TRPC5: variants seen among roughly 807,000 people sequenced by gnomAD.
TRPC5 encodes short transient receptor potential channel 5.
In TRPC5, 9 loss-of-function variants were observed where a neutral mutation model predicts 56.5. The ratio of observed to expected loss-of-function variants is 0.16; its 90% CI spans 0.10 to 0.28. TRPC5 has a LOEUF of 0.28. Among genes scored for constraint, TRPC5 ranks in the 10% least tolerant of loss-of-function variants. The pLI, the probability that TRPC5 is intolerant of heterozygous loss-of-function variation, is 1.00. For missense variants in TRPC5, 469 were observed against 748.9 expected, an observed-to-expected ratio of 0.63 and a Z score of 4.36; for synonymous variants, 282 against 278.5, an observed-to-expected ratio of 1.01 and a Z score of -0.13.
At chrX:111,810,345 G>T (rs186296636) in intron 7 of TRPC5, among the ~76,000 whole-genome samples, 191 of 111,334 alleles carry the variant, frequency 1.7e-3, no homozygotes, top group African/African-American at 5.4e-3. Flanking sequence ...GCCTACCAGA[G>T]TAGTACTTCC....
intron 6 of TRPC5, among the ~76,000 whole-genome samples, chrX:111,844,834 A>G (rs1427711693): frequency 9.0e-6 from 1 of 111,146 alleles, no homozygotes; most frequent in East Asian, 2.8e-4. Context: ...AAAGGATAAC[A>G]ATAAGCAGGT....
chrX:111,935,305 T>C (rs1163287035), intron 2 of TRPC5, among the ~76,000 whole-genome samples: 2 of 112,241 alleles, frequency 1.8e-5, no homozygotes, highest in African/African-American at 6.5e-5. Flanking sequence ...GCCTATTTGA[T>C]AGGAAGACTA....
intron 1 of TRPC5, among the ~76,000 whole-genome samples, chrX:111,969,646 A>G (rs1927723991): frequency 9.0e-6 from 1 of 111,658 alleles, no homozygotes; most frequent in Admixed American, 9.6e-5. Flanking sequence ...ATATAGATAG[A>G]CAGATGTAGG....
At position 111,774,038 on chromosome X, in the gene TRPC5, CACA is replaced by C. The variant is rs1457763610; in HGVS notation, c.*2272_*2274del. ...AGCTAGTAAAGTCTTAAGCCCAAGT[CACA>C]ACGATAACCCTGAGAAGATCTGAAA... On this transcript the variant is annotated 3_prime_UTR_variant, in exon 11 of 11. Coordinates refer to ENST00000262839, the MANE Select transcript of TRPC5 (RefSeq NM_012471.3). Among the ~76,000 whole-genome samples the C allele has an allele frequency of 2.7e-5, 3 of 111,649 alleles. No homozygotes were observed. The highest frequency in any genetic ancestry group is 9.8e-5 in the African/African-American group (3 of 30,739).
intron 3 of TRPC5, among the ~76,000 whole-genome samples, chrX:111,875,753 C>T (rs1923918256): frequency 9.1e-6 from 1 of 109,493 alleles, no homozygotes; most frequent in Non-Finnish European, 1.9e-5. Context: ...GTCAGATATA[C>T]TTCTTTGTTC....
At chrX:111,921,528 A>T (rs5943222) in intron 2 of TRPC5, among the ~76,000 whole-genome samples, 1 of 110,043 alleles carries the variant, frequency 9.1e-6, no homozygotes, top group East Asian at 2.8e-4. Context: ...TTGATTATTT[A>T]TTATCAAATT....
rs748787765 is a variant in TRPC5 at position 111,776,946 on chromosome X, A to C, written c.2289T>G (p.Asn763Lys). 3.1e-5 allele frequency: 37 copies of C among 1,180,582 alleles called. No individual in the cohort carries two copies. Among genetic ancestry groups the C allele is most frequent in the Non-Finnish European group, 3.4e-6 (3 of 880,605 alleles). ...TGGAAAAGCTCCTTGGATGTTTTCT[A>C]TTTCCCAAGAGGTCAAGCACTTCAT... Reference protein sequence around the residue: ...FRYEVLDLLGNRKHPRSFSTS... With the variant: ...FRYEVLDLLGKRKHPRSFSTS... Residue 763 changes from asparagine (N) to lysine (K), a missense_variant, in exon 11 of 11, where the codon AAT becomes AAG. Transcript: ENST00000262839.
chrX:111,851,251 G>A (rs2031044572), intron 5 of TRPC5, among the ~76,000 whole-genome samples: 1 of 112,158 alleles, frequency 8.9e-6, no homozygotes, highest in Non-Finnish European at 1.9e-5. Context: ...TTGGGGGACA[G>A]CCATATTTCC....
At chrX:112,071,283 G>A (rs1401123716) in intron 1 of TRPC5, among the ~76,000 whole-genome samples, 1 of 109,365 alleles carries the variant, frequency 9.1e-6, no homozygotes, top group Admixed American at 9.8e-5. Context: ...ACTCCAGCCT[G>A]GGTGGCAGAT....
chrX:111,797,238 T>A (rs1921129400), intron 7 of TRPC5, among the ~76,000 whole-genome samples: 1 of 112,320 alleles, frequency 8.9e-6, no homozygotes, highest in Non-Finnish European at 1.9e-5. Flanking sequence ...ATTCTATGAA[T>A]AAAGTTAATG....
chrX:111,904,527 G>A (rs911488823), intron 3 of TRPC5, among the ~76,000 whole-genome samples: 2 of 111,114 alleles, frequency 1.8e-5, no homozygotes, highest in Non-Finnish European at 3.8e-5. Flanking sequence ...GCAAACTAAC[G>A]CAGGAACAGA....
chrX:111,834,345 C>A (rs1922502257), intron 7 of TRPC5, among the ~76,000 whole-genome samples: 1 of 111,658 alleles, frequency 9.0e-6, no homozygotes, highest in Non-Finnish European at 1.9e-5. Flanking sequence ...AATCCCAGCA[C>A]TTAGGGAGGC....
intron 3 of TRPC5, among the ~76,000 whole-genome samples, chrX:111,907,403 G>A (rs1925665888): frequency 9.0e-6 from 1 of 110,762 alleles, no homozygotes; most frequent in African/African-American, 3.3e-5. Flanking sequence ...CAGGCAGGTG[G>A]ATCACCTGAG....
chrX:111,846,976 G>C lies in TRPC5; in HGVS notation c.1700+138C>G, dbSNP rs1001865090. 9 of 664,230 alleles carry C rather than the reference G, an allele frequency of 1.4e-5. No homozygotes were observed. In the African/African-American group the frequency reaches 2.0e-4, roughly 15 times the overall value. The allele number at this position is 664,230 out of a possible 1,213,427, so 54.7% of individuals were successfully genotyped here. ...CATTCCTCCACCTCTGACCCTTCGG[G>C]TGGATCCACAGTGAGCACTGCCTTC... On this transcript the variant is annotated intron_variant, in intron 6 of 10. Transcript: ENST00000262839.
chrX:111,987,943 T>A (rs1354081709), intron 1 of TRPC5, among the ~76,000 whole-genome samples: 2 of 112,632 alleles, frequency 1.8e-5, no homozygotes, highest in East Asian at 5.6e-4. Flanking sequence ...TCCAGAAATA[T>A]CCTTATGGAA....
Position 111,969,077 on chromosome X carries a change from C to T in TRPC5, c.-21-16636G>A, listed in dbSNP as rs1163151525. Among the ~76,000 whole-genome samples, 3 of 109,524 alleles carry T rather than the reference C, an allele frequency of 2.7e-5. No homozygotes were observed. The Admixed American group carries it at 2.9e-4, about 11-fold the overall frequency. On this transcript the variant is annotated intron_variant, in intron 1 of 10. Coordinates refer to ENST00000262839, the MANE Select transcript of TRPC5 (RefSeq NM_012471.3). Reference sequence around the variant, plus strand: ...AACAAAACAAAAAAAATTGCCACAGCCACTTCAACCTTCAGCAACCCCCAC... The same window carrying T: ...AACAAAACAAAAAAAATTGCCACAGTCACTTCAACCTTCAGCAACCCCCAC...
chrX:111,818,686 C>T (rs1420323166), intron 7 of TRPC5, among the ~76,000 whole-genome samples: 2 of 106,647 alleles, frequency 1.9e-5, no homozygotes, highest in Admixed American at 1.0e-4. Context: ...TCACTGCAAC[C>T]TCCGCCTCCC....
At chrX:111,933,031 G>C (rs991462603) in intron 2 of TRPC5, among the ~76,000 whole-genome samples, 1 of 112,201 alleles carries the variant, frequency 8.9e-6, no homozygotes, top group East Asian at 2.8e-4. Context: ...TTTATTTTCT[G>C]AAACGTTCCT....
intron 1 of TRPC5, among the ~76,000 whole-genome samples, chrX:112,058,705 G>A (rs372951316): frequency 8.9e-6 from 1 of 112,025 alleles, no homozygotes; most frequent in East Asian, 2.8e-4. Context: ...AAAGCGATGT[G>A]ACTTGCTTAA....
Sources: gnomAD v4.1 joint callset for allele counts (sites outside exome capture counted in the v4.1 genomes callset) on GRCh38, gnomAD v4.1.1 for gene constraint, MANE v1.5 for transcripts, NCBI Gene and HGNC (gene_info 2026-07-23, HGNC 2026-07-21) for gene names.